Variants in FNBP4 observed in about 807,000 individuals in gnomAD.
FNBP4 encodes the protein formin-binding protein 4.
FNBP4 carries 34 observed loss-of-function variants against 119.3 expected under a neutral mutation model. That is an observed-to-expected ratio of 0.28 (90% confidence interval 0.22 to 0.38). The LOEUF (loss-of-function observed/expected upper bound fraction) is 0.38, where lower values mean the gene tolerates loss of function less well. Ranked by LOEUF, FNBP4 falls within the 10% of genes least tolerant of loss-of-function variation. The probability of loss-of-function intolerance (pLI) is 1.00; values close to 1 mark genes in which losing one functional copy is unlikely to be tolerated. For missense variants in FNBP4, 1,112 were observed against 1,228.9 expected (o/e 0.90, Z 1.42); for synonymous variants, 462 against 430.6 (o/e 1.07, Z -0.90).
chr11:47,724,301 C>G lies in FNBP4; in HGVS notation c.2320-129G>C, dbSNP rs539771522. 8 of 1,511,220 alleles carry G rather than the reference C, an allele frequency of 5.3e-6. No individual in the cohort carries two copies. In the African/African-American group the frequency reaches 9.6e-5, roughly 18 times the overall value. The allele number at this position is 1,511,220 out of a possible 1,614,324, so 93.6% of individuals were successfully genotyped here. A position where few individuals can be genotyped will look rare whatever the true frequency, so the allele number is the denominator to read the frequency against. On this transcript the variant is annotated intron_variant, in intron 13 of 16. Transcript: ENST00000263773. Reference sequence around the variant, plus strand: ...GCAGTGGTGAGATCATGACTCATTGCAGCCTCCTGGGCTTAAGCAATCCTC... The same window carrying G: ...GCAGTGGTGAGATCATGACTCATTGGAGCCTCCTGGGCTTAAGCAATCCTC...
intron 6 of FNBP4, among the ~76,000 whole-genome samples, chr11:47,749,530 T>C (rs2097597626): frequency 6.6e-6 from 1 of 152,130 alleles, no homozygotes; most frequent in African/African-American, 2.4e-5. Context: ...CCTTCCAGCC[T>C]GGGTAACCAA....
chr11:47,718,356 G>T (rs1219478306), intron 16 of FNBP4, among the ~76,000 whole-genome samples: 1 of 152,060 alleles, frequency 6.6e-6, no homozygotes, highest in Middle Eastern at 3.2e-3. Context: ...TTGGACTACA[G>T]GCGCCTGCCA....
At position 47,746,408 on chromosome 11, in the gene FNBP4, A is replaced by C. The variant is rs1177574530; in HGVS notation, c.907-14T>G. The C allele has an allele frequency of 1.9e-6, 3 of 1,566,352 alleles. No individual in the cohort carries two copies. The highest frequency in any genetic ancestry group is 2.8e-5 in the African/African-American group (2 of 72,588). On this transcript the variant is annotated splice_polypyrimidine_tract_variant and intron_variant, in intron 6 of 16. Coordinates refer to ENST00000263773, the MANE Select transcript of FNBP4 (RefSeq NM_015308.5). The stretch of plus-strand genomic sequence containing the variant: ...TTCATTTACTTCCTATAAAGAACAA[A>C]ATAATTTAGTCTCATTTAATTCTGA...
In FNBP4 at chr11:47,743,971, G is replaced by T. The variant is rs1191048764; in HGVS notation, c.1438C>A (p.Pro480Thr). ...AAATTACCAGTTTCTCCATTTTCTG[G>T]AGTATCTCGTCCAGTTTTACTAGAA... ...RSSSKTGRDT[P>T]ENGETAIGAE... The change falls in exon 8 of 17, where the codon CCA (proline) becomes ACA (threonine). Residue 480 changes from proline to threonine, a missense_variant. Pro to Thr is a conservative substitution (Grantham distance 38). Transcript: ENST00000263773. 1 of 1,614,046 alleles carries T rather than the reference G, an allele frequency of 6.2e-7. No homozygotes were observed. The highest frequency in any genetic ancestry group is 1.1e-5 in the South Asian group (1 of 91,072).
At chr11:47,758,038 C>T (rs1599256470) in intron 2 of FNBP4, among the ~76,000 whole-genome samples, 1 of 152,184 alleles carries the variant, frequency 6.6e-6, no homozygotes, top group East Asian at 1.9e-4. Context: ...TGGTCTCATC[C>T]TGTCCTCATG....
intron 2 of FNBP4, among the ~76,000 whole-genome samples, chr11:47,761,333 C>T (rs1009330037): frequency 2.0e-5 from 3 of 152,062 alleles, no homozygotes; most frequent in African/African-American, 4.8e-5. Context: ...GGTCGCTCAC[C>T]GCTCTAATCC....
intron 9 of FNBP4, among the ~76,000 whole-genome samples, chr11:47,736,342 C>T (rs114345485): frequency 0.034 from 5,086 of 151,726 alleles, 287 homozygotes; most frequent in African/African-American, 0.12. Flanking sequence ...GAATCATGAA[C>T]GCCAGGAGTT....
chr11:47,738,265 C>T (rs2097576913), intron 8 of FNBP4, among the ~76,000 whole-genome samples: 1 of 152,100 alleles, frequency 6.6e-6, no homozygotes, highest in South Asian at 2.1e-4. Context: ...TGAATGACTG[C>T]CAGTTAAAAA....
In FNBP4 at chr11:47,750,962, G is replaced by A; in HGVS notation, c.860C>T (p.Ser287Phe). ...IYSKEKTISV[S>F]SSKSGPVIAK... is the part of the protein sequence containing the mutation. ...TATGACTGGTCCACTTTTACTACTG[G>A]AAACAGAAATCGTTTTCTCCTTAGA... The change falls in exon 6 of 17, where the codon TCC (serine) becomes TTC (phenylalanine). Residue 287 changes from serine to phenylalanine, a missense_variant. This residue lies in a region of FNBP4 where 826 missense variants were observed against 988.8 expected (regional missense o/e 0.84). Coordinates refer to ENST00000263773, the MANE Select transcript of FNBP4 (RefSeq NM_015308.5). The A allele has an allele frequency of 6.2e-7, 1 of 1,613,864 alleles. No individual in the cohort carries two copies. The highest frequency in any genetic ancestry group is 1.1e-5 in the South Asian group (1 of 91,066).
At chr11:47,746,463 T>G (rs1173726799) in intron 6 of FNBP4, 69 bp from the exon 7 acceptor site, 12 of 1,282,420 alleles carry the variant, frequency 9.4e-6, no homozygotes, top group African/African-American at 3.0e-5. Context: ...TACATTCAAT[T>G]GCACACACAT....
At chr11:47,731,071 G>C (rs2097566845) in intron 12 of FNBP4, among the ~76,000 whole-genome samples, 1 of 152,116 alleles carries the variant, frequency 6.6e-6, no homozygotes, top group Non-Finnish European at 1.5e-5. Context: ...CTCAGCACAA[G>C]CATTCCTATT....
chr11:47,719,310 T>A (rs2097552860), intron 16 of FNBP4, among the ~76,000 whole-genome samples: 1 of 152,224 alleles, frequency 6.6e-6, no homozygotes, highest in Non-Finnish European at 1.5e-5. Context: ...ATCCTTTTAT[T>A]CTAGTCAAGC....
chr11:47,754,831 T>C (rs1487826482), intron 2 of FNBP4, among the ~76,000 whole-genome samples, 167 bp from the exon 3 acceptor site: 1 of 152,052 alleles, frequency 6.6e-6, no homozygotes, highest in African/African-American at 2.4e-5. Flanking sequence ...TTACATCGTA[T>C]GGTTAAAGCT....
chr11:47,753,543 G>A lies in FNBP4; in HGVS notation c.451-441C>T, dbSNP rs180702250. On this transcript the variant is annotated intron_variant, in intron 3 of 16. Transcript: ENST00000263773. ...CTAGAATTGCTTGAATCTGGGAGGC[G>A]GGGATTGCAGTGAGCCGAGATCACG... Among the ~76,000 whole-genome samples the A allele has an allele frequency of 4.4e-3, 672 of 152,056 alleles. 9 individuals are homozygous for A. The highest frequency in any genetic ancestry group is 4.9e-3 in the Non-Finnish European group (333 of 67,992).
rs765324762 is a variant in FNBP4, at chr11:47,767,202, C to T, written c.87G>A (p.Arg29=). The change falls in exon 1 of 17, where the codon CGG becomes CGA. Residue 29 remains arginine (R), a synonymous_variant. Transcript: ENST00000263773. ...PPGPRGSTPG[R]DPEPEPDTEP... Reference sequence around the variant, plus strand: ...CAGTGTCGGGTTCCGGCTCCGGGTCCCGGCCCGGCGTGCTGCCCCGAGGAC... The same window carrying T: ...CAGTGTCGGGTTCCGGCTCCGGGTCTCGGCCCGGCGTGCTGCCCCGAGGAC... The T allele has an allele frequency of 3.8e-6, 6 of 1,563,744 alleles. No individual in the cohort carries two copies. The highest frequency in any genetic ancestry group is 5.2e-6 in the Non-Finnish European group (6 of 1,161,150).
At chr11:47,743,582 G>A (rs1809182870) in intron 8 of FNBP4, among the ~76,000 whole-genome samples, 1 of 152,144 alleles carries the variant, frequency 6.6e-6, no homozygotes, top group African/African-American at 2.4e-5. Flanking sequence ...TGCAGCAGGA[G>A]CTCTTCGACC....
At position 47,743,981 on chromosome 11, in the gene FNBP4, T is replaced by C; in HGVS notation, c.1428A>G (p.Gly476=). ...TTTCTCCATTTTCTGGAGTATCTCG[T>C]CCAGTTTTACTAGAACTCCTACTGG... ...ESTSRSSSKT[G]RDTPENGETA... is the part of the protein sequence containing the mutation. The change falls in exon 8 of 17, where the codon GGA becomes GGG. Residue 476 remains glycine, a synonymous_variant. Coordinates refer to ENST00000263773, the MANE Select transcript of FNBP4 (RefSeq NM_015308.5). The C allele has an allele frequency of 6.2e-7, 1 of 1,614,208 alleles. No homozygotes were observed. The highest frequency in any genetic ancestry group is 8.5e-7 in the Non-Finnish European group (1 of 1,180,034).
intron 2 of FNBP4, among the ~76,000 whole-genome samples, chr11:47,762,527 G>C (rs2097637822): frequency 6.6e-6 from 1 of 151,982 alleles, no homozygotes; most frequent in Non-Finnish European, 1.5e-5. Context: ...TGAACTCCTG[G>C]GCTCAAGCGA....
intron 16 of FNBP4, 118 bp from the exon 17 acceptor site, chr11:47,717,630 T>C (rs1238693070): frequency 1.3e-6 from 1 of 749,440 alleles, no homozygotes; most frequent in Non-Finnish European, 2.2e-6. Context: ...TCTATGTTTA[T>C]GAAAATCTTT....
Sources: gnomAD v4.1 joint callset for allele counts (sites outside exome capture counted in the v4.1 genomes callset) on GRCh38, gnomAD v4.1.1 for gene constraint, gnomAD v4.1.1 regional missense constraint, MANE v1.5 for transcripts, NCBI Gene and HGNC (gene_info 2026-07-23, HGNC 2026-07-21) for gene names.